ADGRL3: variants seen among roughly 807,000 people sequenced by gnomAD.
ADGRL3 encodes the protein adhesion G protein-coupled receptor L3, also known as calcium-independent alpha-latrotoxin receptor 3.
A neutral mutation model predicts 153.5 loss-of-function variants in ADGRL3; 62 were observed. The observed-to-expected ratio is 0.40, with a 90% CI of 0.33 to 0.50. ADGRL3 has a LOEUF of 0.50. ADGRL3 is among the 20% of genes least tolerant of loss of function. ADGRL3 has a pLI of 0.47. For missense variants in ADGRL3, 1,641 were observed against 1,859.4 expected, an observed-to-expected ratio of 0.88 and a Z score of 2.16; for synonymous variants, 710 against 672.5, an observed-to-expected ratio of 1.06 and a Z score of -0.86.
At position 62,037,846 on chromosome 4, in the gene ADGRL3, C is replaced by T. The variant is rs772920343; in HGVS notation, c.3707C>T (p.Thr1236Ile). The T allele has an allele frequency of 6.2e-7, 1 of 1,613,684 alleles. No individual in the cohort carries two copies. Among genetic ancestry groups the T allele is most frequent in the South Asian group, 1.1e-5 (1 of 91,076 alleles). Residue 1236 changes from threonine (T) to isoleucine (I), a missense_variant, in exon 24 of 27, where the codon ACA becomes ATA. Coordinates refer to ENST00000683033, the MANE Select transcript of ADGRL3 (RefSeq NM_001387552.1). ...SGSRTPGRYSTGSQSRIRRMW... is the reference protein window; with the variant it reads ...SGSRTPGRYSIGSQSRIRRMW... Reference sequence around the variant, plus strand: ...TCTCGAACTCCTGGACGCTACTCCACAGGCTCACAGGTAAACAATATTTGT... The same window carrying T: ...TCTCGAACTCCTGGACGCTACTCCATAGGCTCACAGGTAAACAATATTTGT...
chr4:61,210,585 A>G (rs1739500776), intron 1 of ADGRL3, among the ~76,000 whole-genome samples: 1 of 152,116 alleles, frequency 6.6e-6, no homozygotes, highest in African/African-American at 2.4e-5. Context: ...TCTTCCAAAG[A>G]CTTTTGAATA....
intron 21 of ADGRL3, among the ~76,000 whole-genome samples, chr4:62,019,218 A>G (rs2151355918): frequency 6.6e-6 from 1 of 152,162 alleles, no homozygotes; most frequent in African/African-American, 2.4e-5. Context: ...GGCCTAATCT[A>G]GATTAGAAGA....
intron 5 of ADGRL3, among the ~76,000 whole-genome samples, chr4:61,607,636 G>T (rs1373686955): frequency 6.6e-6 from 1 of 152,060 alleles, no homozygotes; most frequent in Non-Finnish European, 1.5e-5. Context: ...TTCTACACTA[G>T]TGATATTACC....
At chr4:61,696,378 G>A (rs2095642763) in intron 6 of ADGRL3, among the ~76,000 whole-genome samples, 1 of 152,038 alleles carries the variant, frequency 6.6e-6, no homozygotes, top group Non-Finnish European at 1.5e-5. Context: ...AATATTTATG[G>A]TAATGTTCCT....
At chr4:62,025,073 C>G (rs1375640890) in intron 21 of ADGRL3, among the ~76,000 whole-genome samples, 1 of 151,924 alleles carries the variant, frequency 6.6e-6, no homozygotes, top group Admixed American at 6.6e-5. Flanking sequence ...ATTAAGCTGT[C>G]AAGATTTCTA....
intron 1 of ADGRL3, among the ~76,000 whole-genome samples, chr4:61,284,136 T>G (rs1348509452): frequency 6.6e-6 from 1 of 152,000 alleles, no homozygotes; most frequent in Non-Finnish European, 1.5e-5. Flanking sequence ...GGGATACTTA[T>G]GTTCTTAACT....
At chr4:61,317,335 A>AT in intron 1 of ADGRL3, among the ~76,000 whole-genome samples, 1 of 152,292 alleles carries the variant, frequency 6.6e-6, no homozygotes, top group Admixed American at 6.5e-5. Context: ...TCTACAGCAG[A>AT]TTTTTTGTGG....
intron 9 of ADGRL3, among the ~76,000 whole-genome samples, chr4:61,880,347 A>C (rs193093253): frequency 1.1e-3 from 173 of 152,288 alleles, no homozygotes; most frequent in Middle Eastern, 3.4e-3. Flanking sequence ...TAGATCTATA[A>C]TTTCTGATTC....
intron 5 of ADGRL3, among the ~76,000 whole-genome samples, chr4:61,616,630 C>A (rs2092034381): frequency 6.6e-6 from 1 of 152,068 alleles, no homozygotes; most frequent in African/African-American, 2.4e-5. Context: ...CCCACATTGA[C>A]CAAGATTTCC....
At chr4:61,889,843 G>A (rs961379457) in intron 9 of ADGRL3, among the ~76,000 whole-genome samples, 7 of 152,174 alleles carry the variant, frequency 4.6e-5, no homozygotes, top group Non-Finnish European at 7.3e-5. Flanking sequence ...GTGTGTAACT[G>A]TGTAGTTTGT....
chr4:61,950,533 G>A (rs548182874), intron 17 of ADGRL3, among the ~76,000 whole-genome samples: 1 of 152,262 alleles, frequency 6.6e-6, no homozygotes, highest in South Asian at 2.1e-4. Flanking sequence ...GTATAACAAG[G>A]CTAGTGTTTA....
chr4:61,703,838 T>C lies in ADGRL3; in HGVS notation c.584-26784T>C, dbSNP rs368144707. 1.3e-4 allele frequency among the ~76,000 whole-genome samples: 20 copies of C among 151,914 alleles called. No homozygotes were observed. The East Asian group carries it at 3.5e-3, about 26-fold the overall frequency. On this transcript the variant is annotated intron_variant, in intron 6 of 26. Coordinates refer to ENST00000683033, the MANE Select transcript of ADGRL3 (RefSeq NM_001387552.1). Reference sequence around the variant, plus strand: ...TCCTTCTGTTGTTTGCTTTGATTTTTATTTTAGTCTTTTTTTTTTTCCTAC... The same window carrying C: ...TCCTTCTGTTGTTTGCTTTGATTTTCATTTTAGTCTTTTTTTTTTTCCTAC...
Position 61,534,587 on chromosome 4 carries a change from T to C in ADGRL3, c.259+17069T>C, listed in dbSNP as rs1481175776. Among the ~76,000 whole-genome samples, 3 of 152,134 alleles carry C rather than the reference T, an allele frequency of 2.0e-5. No individual in the cohort carries two copies. In the East Asian group the frequency reaches 5.8e-4, roughly 29 times the overall value. On this transcript the variant is annotated intron_variant, in intron 4 of 26. Transcript: ENST00000683033. ...ATGCATGAGCATGGCACTTTTTCTA[T>C]TGGTTTATGTAATCTACAATTTCAT...
Position 62,068,160 on chromosome 4 carries a change from G to T in ADGRL3, c.3815-6G>T, listed in dbSNP as rs373866601. 2 of 1,564,172 alleles carry T rather than the reference G, an allele frequency of 1.3e-6. No homozygotes were observed. Among genetic ancestry groups the T allele is most frequent in the South Asian group, 1.2e-5 (1 of 85,042 alleles). The stretch of plus-strand genomic sequence containing the variant: ...TTTCTTTCCTTTTCTTCATGCTGTC[G>T]TTTAGAGCCCTACAGAGAGACAAGT... On this transcript the variant is annotated splice_polypyrimidine_tract_variant and splice_region_variant and intron_variant, in intron 25 of 26. Coordinates refer to ENST00000683033, the MANE Select transcript of ADGRL3 (RefSeq NM_001387552.1).
intron 2 of ADGRL3, among the ~76,000 whole-genome samples, chr4:61,462,580 T>A (rs966191593): frequency 2.0e-5 from 3 of 152,142 alleles, no homozygotes; most frequent in African/African-American, 7.2e-5. Context: ...ACTAAAGATA[T>A]GATGACTTGA....
At chr4:61,590,732 G>A (rs545287210) in intron 5 of ADGRL3, among the ~76,000 whole-genome samples, 1 of 152,190 alleles carries the variant, frequency 6.6e-6, no homozygotes, top group East Asian at 1.9e-4. Flanking sequence ...TCTTTCAGCT[G>A]AATGATATAA....
chr4:61,766,440 G>C (rs1047090802), intron 8 of ADGRL3, among the ~76,000 whole-genome samples: 1 of 152,092 alleles, frequency 6.6e-6, no homozygotes, highest in African/African-American at 2.4e-5. Flanking sequence ...GGACAGAAAG[G>C]CTACAGGGTG....
At chr4:61,395,805 A>G (rs2096861944) in intron 2 of ADGRL3, among the ~76,000 whole-genome samples, 1 of 151,998 alleles carries the variant, frequency 6.6e-6, no homozygotes, top group South Asian at 2.1e-4. Flanking sequence ...GGACTTCAAT[A>G]AAATACAAGG....
chr4:62,042,141 A>G (rs1728688018), intron 24 of ADGRL3, among the ~76,000 whole-genome samples: 1 of 152,118 alleles, frequency 6.6e-6, no homozygotes, highest in Non-Finnish European at 1.5e-5. Context: ...TACACTATGT[A>G]TGTATATGCC....
Sources: allele counts gnomAD v4.1 joint callset (sites outside exome capture counted in the v4.1 genomes callset), GRCh38; gene constraint gnomAD v4.1.1; transcripts MANE v1.5; gene names NCBI Gene and HGNC (gene_info 2026-07-23, HGNC 2026-07-21).